CHRNB4: variants seen among roughly 807,000 people sequenced by gnomAD.
CHRNB4 encodes cholinergic receptor nicotinic beta 4 subunit.
Under a neutral mutation model 40.4 loss-of-function variants are expected in CHRNB4, and 23 were observed. The observed-to-expected ratio is 0.57, with a 90% confidence interval of 0.41 to 0.81. CHRNB4 has a LOEUF of 0.81. Among genes scored for constraint, CHRNB4 ranks in the 30% least tolerant of loss-of-function variants. The pLI, the probability that CHRNB4 is intolerant of heterozygous loss-of-function variation, is 0.00. For missense variants in CHRNB4, 568 were observed against 670.6 expected, an observed-to-expected ratio of 0.85 and a Z score of 1.69; for synonymous variants, 285 against 274.4, an observed-to-expected ratio of 1.04 and a Z score of -0.38.
intron 5 of CHRNB4, among the ~76,000 whole-genome samples, chr15:78,652,962 G>A (rs563066204): frequency 1.3e-5 from 2 of 152,316 alleles, no homozygotes; most frequent in South Asian, 2.1e-4. Flanking sequence ...CTTAGCAGCT[G>A]TGGTGGGCAA....
At chr15:78,632,506 T>C (rs779346026) in intron 2 of CHRNB4, among the ~76,000 whole-genome samples, 2 of 152,082 alleles carry the variant, frequency 1.3e-5, no homozygotes, top group African/African-American at 2.4e-5. Context: ...AGATGGGGAT[T>C]CATCATGATG....
upstream of CHRNB4, chr15:78,661,278 C>T (rs1596128304): frequency 1.7e-6 from 1 of 600,516 alleles, no homozygotes; most frequent in Non-Finnish European, 3.3e-6. Flanking sequence ...CCTGAGGATG[C>T]GGCGGCAGCC....
chr15:78,652,941 CTGTT>C (rs1303612170), intron 5 of CHRNB4, among the ~76,000 whole-genome samples: 2 of 152,176 alleles, frequency 1.3e-5, no homozygotes, highest in African/African-American at 2.4e-5. Flanking sequence ...GGCCTCAAAT[CTGTT>C]TGGCCACTTA....
upstream of CHRNB4, chr15:78,661,469 A>T (rs188937220): frequency 2.3e-5 from 12 of 518,478 alleles, no homozygotes; most frequent in Admixed American, 1.3e-4. Flanking sequence ...TCTTCAGTAC[A>T]ACCTGGTTGA....
chr15:78,635,620 C>T, intron 1 of CHRNB4, 33 bp from the exon 2 acceptor site: 1 of 1,611,618 alleles, frequency 6.2e-7, no homozygotes, highest in African/African-American at 1.3e-5. Flanking sequence ...CTGCTGGGCC[C>T]TTGTGCACCT....
intron 6 of CHRNB4, among the ~76,000 whole-genome samples, chr15:78,651,141 G>A (rs115017468): frequency 0.016 from 2,411 of 152,150 alleles, 65 homozygotes; most frequent in African/African-American, 0.055. Flanking sequence ...CATGACCATG[G>A]CAACCTATGA....
At position 78,629,246 on chromosome 15, in the gene CHRNB4, G is replaced by A. The variant is rs886368426; in HGVS notation, c.1059C>T (p.Asp353=). ...TFLFMKRPGP[D]SSPARAFPPS... The stretch of plus-strand genomic sequence containing the variant: ...GCGGGAAGGCTCTGGCCGGGCTGCT[G>A]TCGGGGCCAGGGCGCTTCATGAAGA... Residue 353 remains aspartate, a synonymous_variant, in exon 5 of 6, where the codon GAC becomes GAT. Coordinates refer to ENST00000261751, the MANE Select transcript of CHRNB4 (RefSeq NM_000750.5). This position sits in a 1 kb window ranked among gnomAD's most constrained non-coding sequence, Gnocchi z 6.8. 3 of 1,613,272 alleles carry A rather than the reference G, an allele frequency of 1.9e-6. No individual in the cohort carries two copies. Among genetic ancestry groups the A allele is most frequent in the African/African-American group, 1.3e-5 (1 of 74,924 alleles).
intron 5 of CHRNB4, chr15:78,655,394 T>A (rs1212979396): frequency 7.1e-6 from 1 of 140,926 alleles, no homozygotes; most frequent in East Asian, 1.9e-4. Flanking sequence ...TTTGTGTATA[T>A]ATACGTTACA....
chr15:78,653,676 T>A (rs1485176202), intron 5 of CHRNB4, among the ~76,000 whole-genome samples: 1 of 152,170 alleles, frequency 6.6e-6, no homozygotes, highest in Non-Finnish European at 1.5e-5. Flanking sequence ...GCCACACTTT[T>A]CCTGGCAAGC....
intron 1 of CHRNB4, among the ~76,000 whole-genome samples, chr15:78,637,536 G>A (rs958226121): frequency 4.6e-5 from 7 of 152,118 alleles, no homozygotes; most frequent in Non-Finnish European, 7.4e-5. Context: ...TGCCTGGCTC[G>A]CCAGGCTCAG....
intron 2 of CHRNB4, 78 bp from the exon 3 acceptor site, chr15:78,631,410 G>C: frequency 6.9e-7 from 1 of 1,458,132 alleles, no homozygotes; most frequent in Non-Finnish European, 9.4e-7. Flanking sequence ...TGTGCAAAAG[G>C]CTGTGAGCTC....
At chr15:78,656,250 T>C (rs2054212162) in exon 4 of CHRNB4, 1 of 150,534 alleles carries the variant, frequency 6.6e-6, no homozygotes, top group Non-Finnish European at 1.5e-5. Flanking sequence ...GGCAGGAGAA[T>C]TGCTTGAACC....
Position 78,629,174 on chromosome 15 carries a change from G to A in CHRNB4, c.1131C>T (p.Thr377=). 6.2e-7 allele frequency: 1 copy of A among 1,614,130 alleles called. No individual in the cohort carries two copies. The part of the protein sequence containing the change: ...VTKPEATATS[T]SPSNFYGNSM... ...AGTTCCCATAGAAGTTGGAGGGGCT[G>A]GTGGAGGTGGCGGTGGCCTCGGGCT... Residue 377 remains threonine, a synonymous_variant, in exon 5 of 6, where the codon ACC becomes ACT. Coordinates refer to ENST00000261751, the MANE Select transcript of CHRNB4 (RefSeq NM_000750.5). This position sits in a 1 kb window ranked among gnomAD's most constrained non-coding sequence, Gnocchi z 6.8.
Position 78,629,997 on chromosome 15 carries a change from G to A in CHRNB4, c.360-52C>T, listed in dbSNP as rs2141371049. 4.0e-6 allele frequency: 6 copies of A among 1,502,394 alleles called. No homozygotes were observed. In the East Asian group the frequency reaches 9.1e-5, roughly 23 times the overall value. The allele number at this position is 1,502,394 out of a possible 1,614,324, so 93.1% of individuals were successfully genotyped here. A position where few individuals can be genotyped will look rare whatever the true frequency, so the allele number is the denominator to read the frequency against. On this transcript the variant is annotated intron_variant, in intron 4 of 5. Coordinates refer to ENST00000261751, the MANE Select transcript of CHRNB4 (RefSeq NM_000750.5). The surrounding 1 kb of genome is among the most constrained non-coding windows in gnomAD (Gnocchi z 6.8). ...ATCGTGAAACCCATACACAAAACCT[G>A]GCCTGTTCTCAGAACTCACTGAAGA...
intron 5 of CHRNB4, chr15:78,625,882 G>A (rs2053640905): frequency 6.6e-6 from 1 of 152,364 alleles, no homozygotes; most frequent in Non-Finnish European, 1.5e-5. Context: ...CTGCTGCGGG[G>A]TGTGAGGTTG....
intron 6 of CHRNB4, among the ~76,000 whole-genome samples, chr15:78,650,981 C>G (rs1173183879): frequency 6.6e-6 from 1 of 152,094 alleles, no homozygotes; most frequent in Non-Finnish European, 1.5e-5. Context: ...ATGGCATTAG[C>G]ATGATCTGAA....
intron 5 of CHRNB4, among the ~76,000 whole-genome samples, chr15:78,654,823 GAC>G (rs927325056): frequency 3.3e-5 from 5 of 152,128 alleles, no homozygotes; most frequent in African/African-American, 7.2e-5. Context: ...TCCAGCTCAA[GAC>G]ACAGACATTA....
At chr15:78,634,293 G>A (rs772859096) in intron 2 of CHRNB4, among the ~76,000 whole-genome samples, 8 of 152,178 alleles carry the variant, frequency 5.3e-5, no homozygotes, top group Admixed American at 2.0e-4. Context: ...CCTCCTGCTC[G>A]TTCACCCTCA....
intron 5 of CHRNB4, 55 bp from the exon 6 acceptor site, chr15:78,625,346 T>G: frequency 6.8e-7 from 1 of 1,477,420 alleles, no homozygotes; most frequent in Non-Finnish European, 9.1e-7. Flanking sequence ...GTCCCTCCTT[T>G]CCCCGAGTCA....
Sources: gnomAD v4.1 joint callset for allele counts (sites outside exome capture counted in the v4.1 genomes callset) on GRCh38, gnomAD v4.1.1 for gene constraint, Gnocchi (gnomAD v3.1) non-coding constraint, MANE v1.5 for transcripts, NCBI Gene and HGNC (gene_info 2026-07-23, HGNC 2026-07-21) for gene names.